The following NELL1 variants were observed in gnomAD, a reference collection of about 807,000 sequenced individuals.
NELL1 encodes neural EGFL like 1.
NELL1 carries 76 observed loss-of-function variants against 107.4 expected under a neutral mutation model. The ratio of observed to expected loss-of-function variants is 0.71; its 90% CI spans 0.59 to 0.86. The LOEUF is 0.86. Ranked by LOEUF, NELL1 falls within the 40% of genes least tolerant of loss-of-function variation. The pLI, the probability that NELL1 is intolerant of heterozygous loss-of-function variation, is 0.00. For synonymous variants in NELL1, 353 were observed against 341.2 expected (o/e 1.03, Z -0.38); for missense variants, 1,024 against 1,005.5 (o/e 1.02, Z -0.25).
intron 2 of NELL1, among the ~76,000 whole-genome samples, chr11:20,759,661 G>T (rs1856376164): frequency 1.3e-5 from 2 of 152,184 alleles, no homozygotes; most frequent in African/African-American, 4.8e-5. Context: ...TCAAGAAGCT[G>T]CTGGAGGAGG....
intron 3 of NELL1, 106 bp from the exon 4 acceptor site, chr11:20,847,475 TAG>T (rs1404607367): frequency 1.9e-5 from 22 of 1,147,964 alleles, no homozygotes; most frequent in Non-Finnish European, 2.6e-5. Flanking sequence ...GTGCCATGTT[TAG>T]CTAATTTTAG....
At chr11:20,922,455 A>T (rs1850400196) in intron 7 of NELL1, among the ~76,000 whole-genome samples, 1 of 152,018 alleles carries the variant, frequency 6.6e-6, no homozygotes, top group African/African-American at 2.4e-5. Context: ...GGAGGCGAAA[A>T]TGTAACTCAC....
intron 14 of NELL1, chr11:21,283,738 G>GA (rs1849047913): frequency 6.1e-6 from 1 of 164,708 alleles, no homozygotes; most frequent in Non-Finnish European, 1.3e-5. Context: ...CAGAGAAAGA[G>GA]CACAGCTTTT....
chr11:20,949,558 T>G (rs1001497624), intron 11 of NELL1, among the ~76,000 whole-genome samples: 2 of 152,186 alleles, frequency 1.3e-5, no homozygotes, highest in Admixed American at 1.3e-4. Context: ...TGTAAATCCT[T>G]TCTGATTTAT....
At chr11:21,288,650 T>A (rs752198530) in intron 14 of NELL1, among the ~76,000 whole-genome samples, 1 of 152,210 alleles carries the variant, frequency 6.6e-6, no homozygotes, top group Admixed American at 6.5e-5. Flanking sequence ...TGTACCTTCA[T>A]GGGATTGTTG....
intron 2 of NELL1, among the ~76,000 whole-genome samples, chr11:20,777,387 A>T (rs1443029557): frequency 6.6e-6 from 1 of 152,198 alleles, no homozygotes; most frequent in African/African-American, 2.4e-5. Context: ...GTTTAATGGA[A>T]TATTATTGTG....
intron 15 of NELL1, among the ~76,000 whole-genome samples, chr11:21,393,141 A>G (rs181614006): frequency 9.2e-4 from 139 of 151,870 alleles, no homozygotes; most frequent in South Asian, 3.7e-3. Flanking sequence ...AGGGAAATAT[A>G]GTGCATAATT....
rs1442120966 is a variant in NELL1 at position 20,960,552 on chromosome 11, A to G, written c.1292A>G (p.Tyr431Cys). The G allele has an allele frequency of 1.2e-6, 2 of 1,613,912 alleles. No homozygotes were observed. Among genetic ancestry groups the G allele is most frequent in the Non-Finnish European group, 1.7e-6 (2 of 1,179,812 alleles). Residue 431 changes from tyrosine (Y) to cysteine (C), a missense_variant, in exon 12 of 20, where the codon TAC becomes TGC. Coordinates refer to ENST00000357134, the MANE Select transcript of NELL1 (RefSeq NM_006157.5). The part of the protein sequence containing the change: ...GYISVQGDSA[Y>C]CEDIDECAAK... ...ATCTCTGTCCAGGGAGACTCTGCCT[A>G]CTGTGAAGGTAAGTAAGCTATTTAA...
intron 14 of NELL1, among the ~76,000 whole-genome samples, chr11:21,276,485 T>C (rs1238258074): frequency 5.9e-5 from 9 of 152,162 alleles, no homozygotes; most frequent in Admixed American, 3.9e-4. Flanking sequence ...AGGTAATTTA[T>C]AGATTCAGTG....
chr11:21,327,002 A>G (rs1199809531), intron 14 of NELL1, among the ~76,000 whole-genome samples: 2 of 151,968 alleles, frequency 1.3e-5, no homozygotes, highest in Non-Finnish European at 1.5e-5. Flanking sequence ...ATGGATACCT[A>G]TATGATATGG....
intron 13 of NELL1, among the ~76,000 whole-genome samples, chr11:21,154,298 A>G (rs1856183454): frequency 6.6e-6 from 1 of 152,172 alleles, no homozygotes; most frequent in Admixed American, 6.5e-5. Context: ...ATCTCAGAGA[A>G]TATTTTCTTA....
In NELL1 at chr11:20,718,908, G is replaced by A. The variant is rs117541746; in HGVS notation, c.184+40848G>A. 4.4e-4 allele frequency among the ~76,000 whole-genome samples: 67 copies of A among 152,246 alleles called. No individual in the cohort carries two copies. The East Asian group carries it at 8.3e-3, about 19-fold the overall frequency. ...TAGTACCAAGGGCTGATTTCTTTACGTGTTCATTATGGGACATCTGGGACT... is the reference window on the plus strand; with the variant it reads ...TAGTACCAAGGGCTGATTTCTTTACATGTTCATTATGGGACATCTGGGACT... On this transcript the variant is annotated intron_variant, in intron 2 of 19. Transcript: ENST00000357134.
In NELL1 at chr11:20,824,320, A is replaced by C. The variant is rs192653032; in HGVS notation, c.336-23263A>C. On this transcript the variant is annotated intron_variant, in intron 3 of 19. Transcript: ENST00000357134. ...TTCCCTTTATAAATTACACAGTCTC[A>C]AGTATGTCTTCATTAGCAGTGTGAG... Among the ~76,000 whole-genome samples the C allele has an allele frequency of 2.4e-3, 356 of 151,466 alleles. 4 individuals are homozygous for C. The highest frequency in any genetic ancestry group is 0.012 in the East Asian group (63 of 5,180).
intron 10 of NELL1, among the ~76,000 whole-genome samples, chr11:20,939,008 T>C (rs1004327931): frequency 6.6e-6 from 1 of 151,742 alleles, no homozygotes; most frequent in African/African-American, 2.4e-5. Context: ...TTTCCAAAGG[T>C]CACTGTGATT....
chr11:20,997,676 G>T (rs6483745), intron 12 of NELL1, among the ~76,000 whole-genome samples: 4 of 152,084 alleles, frequency 2.6e-5, no homozygotes, highest in Non-Finnish European at 5.9e-5. Flanking sequence ...TTATTCCCAC[G>T]TAGAAAGTTT....
At chr11:21,066,613 T>A (rs989300162) in intron 12 of NELL1, among the ~76,000 whole-genome samples, 5 of 152,154 alleles carry the variant, frequency 3.3e-5, no homozygotes, top group African/African-American at 4.8e-5. Flanking sequence ...AATGCCTATC[T>A]TTCAGGAAGT....
chr11:20,914,116 G>T (rs971730578), intron 5 of NELL1, among the ~76,000 whole-genome samples: 1 of 152,090 alleles, frequency 6.6e-6, no homozygotes, highest in Non-Finnish European at 1.5e-5. Flanking sequence ...TGGTTTTGGA[G>T]TGTTAATCGA....
At position 21,434,016 on chromosome 11, in the gene NELL1, C is replaced by A. The variant is rs569381782; in HGVS notation, c.1645+63068C>A. ...TATTTTGAAACATGTTTACTCAAAT[C>A]ATTTGCCCATTTTTTAATGGGATTA... On this transcript the variant is annotated intron_variant, in intron 15 of 19. Coordinates refer to ENST00000357134, the MANE Select transcript of NELL1 (RefSeq NM_006157.5). Among the ~76,000 whole-genome samples, 303 of 152,278 alleles carry A rather than the reference C, an allele frequency of 2.0e-3. 2 individuals carry two copies. Among genetic ancestry groups the A allele is most frequent in the South Asian group, 0.015 (73 of 4,822 alleles).
chr11:20,731,791 A>G (rs1313804957), intron 2 of NELL1, among the ~76,000 whole-genome samples: 1 of 152,226 alleles, frequency 6.6e-6, no homozygotes, highest in East Asian at 1.9e-4. Context: ...TGCTAAGCAT[A>G]TGTCCGGGAT....
Sources: gnomAD v4.1 joint callset for allele counts (sites outside exome capture counted in the v4.1 genomes callset) on GRCh38, gnomAD v4.1.1 for gene constraint, MANE v1.5 for transcripts, NCBI Gene and HGNC (gene_info 2026-07-23, HGNC 2026-07-21) for gene names.